The following QTGAL variants were observed in gnomAD, a reference collection of about 807,000 sequenced individuals.
The protein encoded by QTGAL is BGnT-like protein 1.
chr17:83,033,972 ACT>A, the QTGAL span, among the ~76,000 whole-genome samples: 1 of 148,984 alleles, frequency 6.7e-6, no homozygotes, highest in Non-Finnish European at 1.5e-5. Flanking sequence ...ACAGAGTCTC[ACT>A]CTGTCTCCCA....
the QTGAL span, among the ~76,000 whole-genome samples, chr17:83,041,065 CA>C: frequency 0.26 from 23,720 of 89,546 alleles, 1,400 homozygotes; most frequent in East Asian, 0.32. Context: ...GACTCCATCT[CA>C]AAAAAAAAAA....
the QTGAL span, among the ~76,000 whole-genome samples, chr17:83,027,710 A>C: frequency 6.6e-6 from 1 of 150,712 alleles, no homozygotes; most frequent in African/African-American, 2.4e-5. Flanking sequence ...AAAAAAAAAA[A>C]AAAAAAAAAA....
the QTGAL span, among the ~76,000 whole-genome samples, chr17:82,988,714 AAAG>A: frequency 6.6e-6 from 1 of 152,240 alleles, no homozygotes; most frequent in Admixed American, 6.5e-5. Context: ...ACACTTCTCA[AAAG>A]AAGACATTTA....
chr17:83,008,755 C>T, the QTGAL span, among the ~76,000 whole-genome samples: 2 of 152,184 alleles, frequency 1.3e-5, no homozygotes, highest in Non-Finnish European at 2.9e-5. Flanking sequence ...GCGCCCAGCC[C>T]GGATCCCTGC....
chr17:82,997,854 G>A, the QTGAL span, among the ~76,000 whole-genome samples: 1 of 151,240 alleles, frequency 6.6e-6, no homozygotes, highest in Non-Finnish European at 1.5e-5. Context: ...GAGAATAAAA[G>A]GATGGTTACC....
At chr17:83,027,565 G>A in the QTGAL span, among the ~76,000 whole-genome samples, 43 of 152,056 alleles carry the variant, frequency 2.8e-4, 1 homozygote, top group East Asian at 3.9e-3. Flanking sequence ...GGCCGGGCAC[G>A]GTGGATCATG....
chr17:82,957,292 C>T, the QTGAL span: 2 of 1,614,088 alleles, frequency 1.2e-6, no homozygotes, highest in Admixed American at 3.3e-5. Context: ...AGGCCGGGGC[C>T]AGGGCCTGTG....
chr17:83,038,423 A>G, the QTGAL span, among the ~76,000 whole-genome samples: 1 of 152,224 alleles, frequency 6.6e-6, no homozygotes, highest in Non-Finnish European at 1.5e-5. Context: ...AATCTATAAA[A>G]AGTACTTTAT....
chr17:82,946,926 G>A, the QTGAL span: 1 of 1,569,340 alleles, frequency 6.4e-7, no homozygotes, highest in Non-Finnish European at 8.6e-7. Flanking sequence ...AGGAAGTCCT[G>A]GCCCTCCTGC....
chr17:83,006,264 G>T, the QTGAL span: 1 of 985,452 alleles, frequency 1.0e-6, no homozygotes, highest in East Asian at 1.1e-4. This position sits in a 1 kb window ranked among gnomAD's most constrained non-coding sequence, Gnocchi z 5.8. Context: ...TGAGGCCCCT[G>T]GATCTGTCTC....
the QTGAL span, among the ~76,000 whole-genome samples, chr17:82,958,592 C>T: frequency 2.0e-5 from 3 of 152,204 alleles, no homozygotes; most frequent in Admixed American, 2.0e-4. Context: ...AGAACCCCCA[C>T]AGGCAATGGG....
At chr17:83,037,269 G>C in the QTGAL span, among the ~76,000 whole-genome samples, 2 of 152,194 alleles carry the variant, frequency 1.3e-5, no homozygotes, top group Non-Finnish European at 2.9e-5. The surrounding 1 kb of genome is among the most constrained non-coding windows in gnomAD (Gnocchi z 5.2). Context: ...GGGCTGCCCT[G>C]TTCCGGGGGG....
At chr17:83,008,711 T>C in the QTGAL span, among the ~76,000 whole-genome samples, 86 of 152,328 alleles carry the variant, frequency 5.6e-4, no homozygotes, top group Non-Finnish European at 8.1e-4. Context: ...GCCACCATGC[T>C]GCGAGGAAGC....
the QTGAL span, among the ~76,000 whole-genome samples, chr17:83,031,317 ACGGCCGC>A: frequency 6.7e-6 from 1 of 148,440 alleles, no homozygotes; most frequent in African/African-American, 2.6e-5. Flanking sequence ...AAACTCAGCA[ACGGCCGC>A]CAGAGCACCC....
the QTGAL span, among the ~76,000 whole-genome samples, chr17:82,996,521 CAAAA>C: frequency 1.0e-3 from 130 of 124,962 alleles, no homozygotes; most frequent in African/African-American, 3.5e-3. Flanking sequence ...GACTCTGCCT[CAAAA>C]AAAAAAAAAA....
At chr17:83,042,150 T>C in the QTGAL span, among the ~76,000 whole-genome samples, 107 of 152,300 alleles carry the variant, frequency 7.0e-4, 1 homozygote, top group Middle Eastern at 3.4e-3. Flanking sequence ...GTGGATCACT[T>C]GAGTCCAGGA....
the QTGAL span, among the ~76,000 whole-genome samples, chr17:83,029,972 T>C: frequency 6.6e-6 from 1 of 152,174 alleles, no homozygotes; most frequent in South Asian, 2.1e-4. Context: ...TCTTGGTAAA[T>C]TCCTTTACCA....
chr17:82,981,550 A>C, the QTGAL span: 1 of 152,270 alleles, frequency 6.6e-6, no homozygotes, highest in Admixed American at 6.5e-5. Context: ...TGATGCAAAG[A>C]ACCATCTACA....
chr17:83,019,794 C>T, the QTGAL span, among the ~76,000 whole-genome samples: 3 of 152,020 alleles, frequency 2.0e-5, no homozygotes, highest in Admixed American at 1.3e-4. Flanking sequence ...AGTGCAGTGG[C>T]GCAATCTTGG....
Sources: gnomAD v4.1 joint callset for allele counts (sites outside exome capture counted in the v4.1 genomes callset) on GRCh38, gnomAD v4.1.1 for gene constraint, Gnocchi (gnomAD v3.1) non-coding constraint, MANE v1.5 for transcripts, NCBI Gene and HGNC (gene_info 2026-07-23, HGNC 2026-07-21) for gene names.